Variants in SHANK2 observed in about 807,000 individuals in gnomAD.
The protein encoded by SHANK2 is SH3 and multiple ankyrin repeat domains protein 2.
SHANK2 carries 43 observed loss-of-function variants against 133.7 expected under a neutral mutation model. That is an observed-to-expected ratio of 0.32 (90% confidence interval 0.25 to 0.41). SHANK2 has a LOEUF of 0.41. Among genes scored for constraint, SHANK2 ranks in the 10% least tolerant of loss-of-function variants. SHANK2 has a pLI of 1.00. For missense variants in SHANK2, 1,994 were observed against 2,235.8 expected (o/e 0.89, Z 2.18); for synonymous variants, 1,017 against 952.8 (o/e 1.07, Z -1.24).
rs2135735104 is a variant in SHANK2, at chr11:70,487,032, G to A, written c.3261C>T (p.Arg1087=). ...PFAAAIAGAV[R]DREKRLEARR... is the part of the protein sequence containing the mutation. ...TGGCTTCCAGCCGCTTCTCACGGTC[G>A]CGGACGGCTCCGGCGATGGCGGCGG... is the stretch of plus-strand genomic sequence containing the variant. The change falls in exon 25 of 26, where the codon CGC becomes CGT. Residue 1087 remains arginine, a synonymous_variant. Transcript: ENST00000601538. The surrounding 1 kb of genome is among the most constrained non-coding windows in gnomAD (Gnocchi z 5.8). 2 of 1,609,322 alleles carry A rather than the reference G, an allele frequency of 1.2e-6. No individual in the cohort carries two copies. The highest frequency in any genetic ancestry group is 1.1e-5 in the South Asian group (1 of 91,050).
chr11:70,806,317 C>G (rs1020774437), intron 13 of SHANK2, among the ~76,000 whole-genome samples: 1 of 152,216 alleles, frequency 6.6e-6, no homozygotes, highest in Admixed American at 6.5e-5. Context: ...ACACAACCTC[C>G]GCAGCCCACA....
chr11:70,510,579 G>A (rs2059191716), intron 17 of SHANK2, among the ~76,000 whole-genome samples: 1 of 152,228 alleles, frequency 6.6e-6, no homozygotes, highest in Non-Finnish European at 1.5e-5. Context: ...TGTCTGTGAG[G>A]CCTCTGGATA....
At chr11:71,129,326 G>A (rs1423535067) in intron 3 of SHANK2, among the ~76,000 whole-genome samples, 4 of 152,166 alleles carry the variant, frequency 2.6e-5, no homozygotes, top group African/African-American at 7.2e-5. Flanking sequence ...CTACGCCACC[G>A]AGGTCTGCAG....
chr11:70,847,330 G>A (rs1462630873), intron 11 of SHANK2, among the ~76,000 whole-genome samples: 2 of 152,276 alleles, frequency 1.3e-5, no homozygotes, highest in Middle Eastern at 3.4e-3. Context: ...CTAATGAGAC[G>A]GGGTCCCCCA....
chr11:71,123,191 G>A (rs1357526847), intron 3 of SHANK2, among the ~76,000 whole-genome samples: 4 of 152,134 alleles, frequency 2.6e-5, no homozygotes, highest in African/African-American at 4.8e-5. Context: ...TGTCCAATCA[G>A]GCAAACCCCA....
At chr11:70,759,890 T>C (rs1946954605) in intron 14 of SHANK2, among the ~76,000 whole-genome samples, 1 of 152,190 alleles carries the variant, frequency 6.6e-6, no homozygotes, top group South Asian at 2.1e-4. Context: ...TCAGTAGCTT[T>C]CTCTTGATAA....
At chr11:71,154,229 G>A (rs144325653) in intron 2 of SHANK2, among the ~76,000 whole-genome samples, 185 of 152,290 alleles carry the variant, frequency 1.2e-3, no homozygotes, top group Admixed American at 2.4e-3. Context: ...ATTTAAACTC[G>A]GGGTCAAACG....
chr11:70,753,003 C>T (rs1057488333), intron 14 of SHANK2, among the ~76,000 whole-genome samples: 18 of 152,030 alleles, frequency 1.2e-4, no homozygotes, highest in African/African-American at 4.3e-4. Context: ...ATCCCAGCTA[C>T]TTGAGAGGCT....
At chr11:70,701,306 T>C (rs997412767) in intron 14 of SHANK2, among the ~76,000 whole-genome samples, 4 of 152,298 alleles carry the variant, frequency 2.6e-5, no homozygotes, top group South Asian at 2.1e-4. Context: ...AAAAAGGGTG[T>C]AGACTAACAT....
intron 17 of SHANK2, among the ~76,000 whole-genome samples, chr11:70,657,428 C>T (rs75273737): frequency 2.2e-4 from 33 of 152,294 alleles, no homozygotes; most frequent in African/African-American, 7.5e-4. Context: ...TTTAATATTC[C>T]GGTGGCAAAA....
chr11:70,950,145 G>C (rs1332829420), intron 10 of SHANK2: 1 of 455,982 alleles, frequency 2.2e-6, no homozygotes, highest in East Asian at 6.9e-5. Flanking sequence ...TGCAACCTCT[G>C]TCTCCCGGGT....
chr11:70,701,881 CCAT>C (rs1555023764), intron 14 of SHANK2, among the ~76,000 whole-genome samples: 2 of 151,896 alleles, frequency 1.3e-5, no homozygotes, highest in Non-Finnish European at 2.9e-5. Context: ...ATCACCACTC[CCAT>C]CATCATCACC....
At chr11:70,732,691 C>A (rs1591795680) in intron 14 of SHANK2, among the ~76,000 whole-genome samples, 1 of 152,234 alleles carries the variant, frequency 6.6e-6, no homozygotes, top group Non-Finnish European at 1.5e-5. Context: ...CCAGCCCATG[C>A]CCACGCAGCC....
At chr11:70,796,638 C>T in intron 14 of SHANK2, among the ~76,000 whole-genome samples, 1 of 152,164 alleles carries the variant, frequency 6.6e-6, no homozygotes, top group East Asian at 1.9e-4. Flanking sequence ...GGGTGTGGAC[C>T]AGGGGTGGAC....
intron 2 of SHANK2, among the ~76,000 whole-genome samples, chr11:71,221,688 C>T (rs1346855930): frequency 6.6e-6 from 1 of 152,168 alleles, no homozygotes; most frequent in African/African-American, 2.4e-5. Context: ...CCTTCTGCCA[C>T]TAATTATGCG....
chr11:70,675,041 T>C (rs1555016897), intron 15 of SHANK2, among the ~76,000 whole-genome samples: 1 of 152,222 alleles, frequency 6.6e-6, no homozygotes, highest in Non-Finnish European at 1.5e-5. Flanking sequence ...TGGCTTGATG[T>C]AACACCTGAG....
At chr11:71,202,472 C>T (rs888962204) in intron 2 of SHANK2, among the ~76,000 whole-genome samples, 6 of 152,204 alleles carry the variant, frequency 3.9e-5, no homozygotes, top group Non-Finnish European at 5.9e-5. Flanking sequence ...CCCAGCCCCT[C>T]GGCGAGACAA....
intron 8 of SHANK2, among the ~76,000 whole-genome samples, chr11:71,077,407 G>T (rs2135990654): frequency 6.6e-6 from 1 of 152,278 alleles, no homozygotes; most frequent in African/African-American, 2.4e-5. Flanking sequence ...GGCAAAATAG[G>T]CTCAATGGGA....
intron 11 of SHANK2, chr11:70,872,952 T>C: frequency 4.3e-6 from 2 of 468,912 alleles, no homozygotes; most frequent in Non-Finnish European, 8.9e-6. Context: ...CCCACACTCA[T>C]GACCTCCACC....
Sources: allele counts gnomAD v4.1 joint callset (sites outside exome capture counted in the v4.1 genomes callset), GRCh38; gene constraint gnomAD v4.1.1; non-coding constraint Gnocchi (gnomAD v3.1); transcripts MANE v1.5; gene names NCBI Gene and HGNC (gene_info 2026-07-23, HGNC 2026-07-21).